CACNA2D3: variants seen among roughly 807,000 people sequenced by gnomAD.
CACNA2D3 encodes calcium voltage-gated channel auxiliary subunit alpha2delta 3.
In CACNA2D3, 60 loss-of-function variants were observed where a neutral mutation model predicts 160.6. The ratio of observed to expected loss-of-function variants is 0.37; its 90% confidence interval spans 0.30 to 0.46. The LOEUF is 0.46. Among genes scored for constraint, CACNA2D3 ranks in the 20% least tolerant of loss-of-function variants. The pLI is 1.00. For missense variants in CACNA2D3, 1,205 were observed against 1,365.0 expected (o/e 0.88, Z 1.85); for synonymous variants, 558 against 492.9 (o/e 1.13, Z -1.75).
At chr3:54,551,886 A>G (rs1203781644) in intron 5 of CACNA2D3, among the ~76,000 whole-genome samples, 10 of 152,230 alleles carry the variant, frequency 6.6e-5, no homozygotes, top group African/African-American at 2.4e-4. Flanking sequence ...CAGAGCCAAA[A>G]GGAAGGAGTG....
intron 14 of CACNA2D3, among the ~76,000 whole-genome samples, chr3:54,836,676 C>G (rs1698697997): frequency 6.6e-6 from 1 of 152,252 alleles, no homozygotes; most frequent in African/African-American, 2.4e-5. Flanking sequence ...AGAGGTAAAA[C>G]AGCCTTGACT....
chr3:54,623,990 T>G (rs1462869565), intron 9 of CACNA2D3, among the ~76,000 whole-genome samples: 1 of 151,398 alleles, frequency 6.6e-6, no homozygotes, highest in Non-Finnish European at 1.5e-5. Context: ...ACCAGGAGGG[T>G]GATCTGGGTC....
At chr3:54,265,563 GTGTATATA>G (rs1218235266) in intron 2 of CACNA2D3, among the ~76,000 whole-genome samples, 5 of 79,364 alleles carry the variant, frequency 6.3e-5, no homozygotes, top group African/African-American at 2.7e-4. Context: ...TGTGTATAGT[GTGTATATA>G]TATAGTGTGT....
intron 4 of CACNA2D3, among the ~76,000 whole-genome samples, chr3:54,468,801 C>G (rs1700675888): frequency 6.6e-6 from 1 of 152,320 alleles, no homozygotes; most frequent in South Asian, 2.1e-4. Flanking sequence ...ACAGTGTAAA[C>G]AAAGCTGCTG....
chr3:54,170,497 GTTTGGAATGCCAAAATATTGCTGCTGT>G (rs1194839659), intron 2 of CACNA2D3, among the ~76,000 whole-genome samples: 5 of 152,314 alleles, frequency 3.3e-5, no homozygotes, highest in Middle Eastern at 6.8e-3. Context: ...CGGAAGCACA[GTTTGGAATGCCAAAATATTGCTGCTGT>G]TTTGGAATGC....
intron 11 of CACNA2D3, among the ~76,000 whole-genome samples, chr3:54,662,230 A>G (rs376137854): frequency 2.0e-5 from 3 of 152,162 alleles, no homozygotes; most frequent in South Asian, 4.2e-4. Flanking sequence ...GGGAGCCTCT[A>G]TGCTACTGAG....
chr3:54,696,039 T>G (rs903269893), intron 11 of CACNA2D3, among the ~76,000 whole-genome samples: 1 of 152,140 alleles, frequency 6.6e-6, no homozygotes, highest in Non-Finnish European at 1.5e-5. Context: ...TCTCCCCCAG[T>G]GTGGTCCTAG....
chr3:54,863,998 C>A (rs1469773532), intron 17 of CACNA2D3, among the ~76,000 whole-genome samples: 2 of 152,106 alleles, frequency 1.3e-5, no homozygotes, highest in African/African-American at 4.8e-5. Flanking sequence ...AAGATTACAT[C>A]TCCGAATAGA....
chr3:54,171,158 T>TTTTTTTTA (rs1553743546), intron 2 of CACNA2D3, among the ~76,000 whole-genome samples: 1 of 140,678 alleles, frequency 7.1e-6, no homozygotes, highest in African/African-American at 3.0e-5. Context: ...TTTTTTTTTT[T>TTTTTTTTA]AGGAATAGCT....
At chr3:54,643,212 C>T (rs187104805) in intron 11 of CACNA2D3, among the ~76,000 whole-genome samples, 1 of 152,184 alleles carries the variant, frequency 6.6e-6, no homozygotes, top group Non-Finnish European at 1.5e-5. Context: ...ATTAAACACA[C>T]TGGTAAAAAG....
intron 4 of CACNA2D3, among the ~76,000 whole-genome samples, chr3:54,470,981 C>T (rs1265038348): frequency 6.6e-6 from 1 of 152,064 alleles, no homozygotes; most frequent in Non-Finnish European, 1.5e-5. Context: ...TTTAACATAC[C>T]ACTGTCAATA....
At chr3:55,025,149 T>G (rs1314482951) in intron 35 of CACNA2D3, among the ~76,000 whole-genome samples, 1 of 152,178 alleles carries the variant, frequency 6.6e-6, no homozygotes, top group Admixed American at 6.5e-5. Flanking sequence ...GAGCAAGCAG[T>G]ATTTTTCCTT....
At chr3:54,948,361 G>C (rs1169898783) in intron 27 of CACNA2D3, among the ~76,000 whole-genome samples, 1 of 152,168 alleles carries the variant, frequency 6.6e-6, no homozygotes, top group Admixed American at 6.5e-5. Flanking sequence ...ATTGTCATTA[G>C]AAAAAAATTA....
intron 12 of CACNA2D3, among the ~76,000 whole-genome samples, chr3:54,762,547 G>C (rs553025581): frequency 6.6e-6 from 1 of 152,122 alleles, no homozygotes; most frequent in East Asian, 1.9e-4. Flanking sequence ...CTTGTTAATC[G>C]CTGCTTCTTC....
At chr3:54,605,450 G>A (rs1299403812) in intron 9 of CACNA2D3, among the ~76,000 whole-genome samples, 1 of 151,936 alleles carries the variant, frequency 6.6e-6, no homozygotes, top group African/African-American at 2.4e-5. Flanking sequence ...CAGCATTTCA[G>A]ACATGCAATG....
At chr3:54,367,249 A>G (rs910213089) in intron 3 of CACNA2D3, among the ~76,000 whole-genome samples, 2 of 152,280 alleles carry the variant, frequency 1.3e-5, no homozygotes. Context: ...TTTGTTCACT[A>G]GACTCACTTG....
intron 15 of CACNA2D3, among the ~76,000 whole-genome samples, chr3:54,838,141 C>A (rs1698738590): frequency 6.6e-6 from 1 of 152,206 alleles, no homozygotes; most frequent in Admixed American, 6.5e-5. Context: ...TTTAGACTCT[C>A]TCTCCTGGGC....
At chr3:54,510,579 G>A (rs1030991285) in intron 5 of CACNA2D3, among the ~76,000 whole-genome samples, 1 of 152,110 alleles carries the variant, frequency 6.6e-6, no homozygotes, top group Non-Finnish European at 1.5e-5. Flanking sequence ...CTTTTCACCT[G>A]GGTCACTGTC....
At chr3:54,905,187 G>C (rs1700426938) in intron 27 of CACNA2D3, among the ~76,000 whole-genome samples, 1 of 152,180 alleles carries the variant, frequency 6.6e-6, no homozygotes. Context: ...AAGAAACACA[G>C]AACACTTTAG....
Sources: allele counts gnomAD v4.1 joint callset (sites outside exome capture counted in the v4.1 genomes callset), GRCh38; gene constraint gnomAD v4.1.1; transcripts MANE v1.5; gene names NCBI Gene and HGNC (gene_info 2026-07-23, HGNC 2026-07-21).